The following SNTG1 variants were observed in gnomAD, a reference collection of about 807,000 sequenced individuals.
The protein encoded by SNTG1 is syntrophin gamma 1, also known as gamma-1-syntrophin.
Under a neutral mutation model 74.7 loss-of-function variants are expected in SNTG1, and 39 were observed. The ratio of observed to expected loss-of-function variants is 0.52; its 90% confidence interval spans 0.40 to 0.68. The LOEUF (loss-of-function observed/expected upper bound fraction) is 0.68. Ranked by LOEUF, SNTG1 falls within the 30% of genes least tolerant of loss-of-function variation. The probability of loss-of-function intolerance (pLI) is 0.00; values close to 1 mark genes in which losing one functional copy is unlikely to be tolerated. For missense variants in SNTG1, 685 were observed against 609.5 expected (o/e 1.12, Z -1.30); for synonymous variants, 254 against 217.1 (o/e 1.17, Z -1.49).
At chr8:50,358,306 C>T (rs1034011508) in intron 2 of SNTG1, among the ~76,000 whole-genome samples, 2 of 152,206 alleles carry the variant, frequency 1.3e-5, no homozygotes, top group Non-Finnish European at 1.5e-5. Context: ...TACATCTGCT[C>T]AGTATTCATT....
chr8:50,282,612 A>G (rs1032946245), intron 2 of SNTG1, among the ~76,000 whole-genome samples: 4 of 152,024 alleles, frequency 2.6e-5, no homozygotes, highest in African/African-American at 9.7e-5. Context: ...AAATACAAAA[A>G]AAAATTAGTC....
intron 1 of SNTG1, among the ~76,000 whole-genome samples, chr8:50,077,900 G>C (rs1822040007): frequency 6.6e-6 from 1 of 152,134 alleles, no homozygotes; most frequent in South Asian, 2.1e-4. Context: ...TTAGGTCTTT[G>C]ATTAAATTGA....
intron 1 of SNTG1, among the ~76,000 whole-genome samples, chr8:50,161,434 T>C (rs1251782325): frequency 6.6e-6 from 1 of 152,230 alleles, no homozygotes; most frequent in Non-Finnish European, 1.5e-5. Flanking sequence ...AAGTTCAGTT[T>C]CATGGCTTGG....
At chr8:50,159,094 G>GT (rs1222772260) in intron 1 of SNTG1, among the ~76,000 whole-genome samples, 2 of 152,026 alleles carry the variant, frequency 1.3e-5, no homozygotes, top group East Asian at 3.9e-4. Context: ...GGCCGTTTGG[G>GT]TTTTTTCTCT....
intron 9 of SNTG1, among the ~76,000 whole-genome samples, chr8:50,515,427 G>A (rs1246411463): frequency 4.8e-5 from 6 of 124,344 alleles, no homozygotes; most frequent in African/African-American, 1.7e-4. Flanking sequence ...TTACTCCAGT[G>A]GATCCTGGAA....
chr8:50,391,708 T>C (rs2092663507), intron 2 of SNTG1, among the ~76,000 whole-genome samples: 1 of 152,174 alleles, frequency 6.6e-6, no homozygotes, highest in Non-Finnish European at 1.5e-5. Flanking sequence ...TCCTGGATTT[T>C]TTTGGTTGGT....
chr8:50,421,806 A>G (rs2093091548), intron 4 of SNTG1, among the ~76,000 whole-genome samples: 1 of 152,320 alleles, frequency 6.6e-6, no homozygotes, highest in African/African-American at 2.4e-5. Context: ...ATTAATGTGT[A>G]TACCTGGGAG....
At chr8:50,226,615 C>A (rs1258930722) in intron 2 of SNTG1, among the ~76,000 whole-genome samples, 2 of 152,150 alleles carry the variant, frequency 1.3e-5, no homozygotes, top group Non-Finnish European at 2.9e-5. Context: ...TAGACAAACT[C>A]AACCAATTGT....
chr8:50,654,318 C>T (rs1007412386), intron 13 of SNTG1, among the ~76,000 whole-genome samples: 1 of 152,024 alleles, frequency 6.6e-6, no homozygotes, highest in African/African-American at 2.4e-5. Flanking sequence ...TTTTACTGAG[C>T]CATCTTTCTA....
At chr8:50,776,597 T>C (rs1000034410) in intron 18 of SNTG1, among the ~76,000 whole-genome samples, 8 of 150,510 alleles carry the variant, frequency 5.3e-5, no homozygotes, top group African/African-American at 1.7e-4. Context: ...AACCAGACAA[T>C]ATTACAATTT....
At chr8:50,022,927 G>A (rs1816951011) in intron 1 of SNTG1, among the ~76,000 whole-genome samples, 1 of 152,132 alleles carries the variant, frequency 6.6e-6, no homozygotes, top group Non-Finnish European at 1.5e-5. Flanking sequence ...TATCCTAATA[G>A]GAGTTAAATA....
intron 17 of SNTG1, among the ~76,000 whole-genome samples, chr8:50,710,818 G>T (rs1398975914): frequency 6.6e-6 from 1 of 152,182 alleles, no homozygotes; most frequent in Admixed American, 6.5e-5. Context: ...AAACAGTTTA[G>T]TAGGAAATGA....
Position 50,792,780 on chromosome 8 carries a change from C to A in SNTG1, c.1505C>A (p.Ser502Tyr). Residue 502 changes from serine to tyrosine, a missense_variant, in exon 19 of 19, where the codon TCT becomes TAT. Coordinates refer to ENST00000642720, the MANE Select transcript of SNTG1 (RefSeq NM_018967.5). ...PLFLGNQATASTAASSATTSK... is the reference protein window; with the variant it reads ...PLFLGNQATAYTAASSATTSK... ...TTTTTAGGCAATCAAGCTACTGCTT[C>A]TACTGCTGCCAGCTCTGCTACCACG... 1 of 1,612,494 alleles carries A rather than the reference C, an allele frequency of 6.2e-7. No individual in the cohort carries two copies. The highest frequency in any genetic ancestry group is 8.5e-7 in the Non-Finnish European group (1 of 1,178,912).
intron 9 of SNTG1, among the ~76,000 whole-genome samples, chr8:50,528,068 A>C (rs1048230072): frequency 6.6e-6 from 1 of 152,002 alleles, no homozygotes; most frequent in Non-Finnish European, 1.5e-5. Flanking sequence ...TTCTATATAC[A>C]CGATTGTGTT....
At chr8:50,045,838 T>C (rs1819038763) in intron 1 of SNTG1, among the ~76,000 whole-genome samples, 1 of 152,156 alleles carries the variant, frequency 6.6e-6, no homozygotes, top group Admixed American at 6.5e-5. Context: ...GTTCTGATTT[T>C]AGTTCTGTTG....
At chr8:49,940,843 G>A (rs191915675) in intron 1 of SNTG1, among the ~76,000 whole-genome samples, 1 of 152,248 alleles carries the variant, frequency 6.6e-6, no homozygotes, top group Admixed American at 6.5e-5. Flanking sequence ...TCATGAGACA[G>A]GATACTGCTT....
chr8:50,147,165 A>T (rs888984613), intron 1 of SNTG1, among the ~76,000 whole-genome samples: 3 of 152,246 alleles, frequency 2.0e-5, no homozygotes, highest in African/African-American at 4.8e-5. Context: ...TGGTAGATAC[A>T]TGACTCTACG....
rs542618133 is a variant in SNTG1, at chr8:50,245,326, T to C, written c.-28+72691T>C. ...TAGATTCTTTGGTTTCTTCTGCTTT[T>C]TTAAGTTTGATAGTTAAATAAGTAG... is the stretch of plus-strand genomic sequence containing the variant. On this transcript the variant is annotated intron_variant, in intron 2 of 18. Coordinates refer to ENST00000642720, the MANE Select transcript of SNTG1 (RefSeq NM_018967.5). Among the ~76,000 whole-genome samples, 16 of 152,302 alleles carry C rather than the reference T, an allele frequency of 1.1e-4. No homozygotes were observed. The South Asian group carries it at 3.3e-3, about 32-fold the overall frequency.
chr8:50,407,583 G>T (rs2092895216), intron 4 of SNTG1, among the ~76,000 whole-genome samples: 1 of 152,198 alleles, frequency 6.6e-6, no homozygotes, highest in African/African-American at 2.4e-5. Flanking sequence ...TTCTAGGATT[G>T]TCTTTGCCTG....
Sources: gnomAD v4.1 joint callset for allele counts (sites outside exome capture counted in the v4.1 genomes callset) on GRCh38, gnomAD v4.1.1 for gene constraint, MANE v1.5 for transcripts, NCBI Gene and HGNC (gene_info 2026-07-23, HGNC 2026-07-21) for gene names.